Variants in PCDHGB6 observed in about 807,000 individuals in gnomAD.
PCDHGB6 encodes the protein protocadherin gamma-B6.
In PCDHGB6, 51 loss-of-function variants were observed where a neutral mutation model predicts 59.1. That is an observed-to-expected ratio of 0.86 (90% CI 0.69 to 1.09). The LOEUF (loss-of-function observed/expected upper bound fraction) is 1.09. PCDHGB6 is among the 50% of genes least tolerant of loss of function. PCDHGB6 has a pLI of 0.00. For synonymous variants in PCDHGB6, 466 were observed against 495.1 expected (o/e 0.94, Z 0.78); for missense variants, 1,148 against 1,205.1 (o/e 0.95, Z 0.70).
chr5:141,502,028 G>A (rs561260963), intron 2 of PCDHGB6, among the ~76,000 whole-genome samples: 62 of 152,150 alleles, frequency 4.1e-4, no homozygotes, highest in African/African-American at 1.5e-3. Flanking sequence ...TGCAACCCCC[G>A]CCGCTTGCCT....
chr5:141,496,737 C>T (rs900394639), intron 2 of PCDHGB6, among the ~76,000 whole-genome samples: 9 of 152,168 alleles, frequency 5.9e-5, no homozygotes, highest in African/African-American at 2.2e-4. Context: ...TTCATTCGTT[C>T]ATTTATTCAA....
chr5:141,489,267 C>A lies in PCDHGB6; in HGVS notation c.2419-5540C>A. On this transcript the variant is annotated intron_variant, in intron 1 of 3. Transcript: ENST00000520790. This position sits in a 1 kb window ranked among gnomAD's most constrained non-coding sequence, Gnocchi z 4.5. ...TGGGGCCCAAGACACTCCCACAGCT[C>A]GCTGGGAAATGGCAAGTGCTGTGCA... is the stretch of plus-strand genomic sequence containing the variant. 1 of 1,553,300 alleles carries A rather than the reference C, an allele frequency of 6.4e-7. No homozygotes were observed. The highest frequency in any genetic ancestry group is 8.7e-7 in the Non-Finnish European group (1 of 1,149,864).
chr5:141,476,837 G>A lies in PCDHGB6; in HGVS notation c.2419-17970G>A, dbSNP rs1160244271. 4 of 1,613,534 alleles carry A rather than the reference G, an allele frequency of 2.5e-6. No individual in the cohort carries two copies. The highest frequency in any genetic ancestry group is 3.4e-6 in the Non-Finnish European group (4 of 1,180,054). On this transcript the variant is annotated intron_variant, in intron 1 of 3. Coordinates refer to ENST00000520790, the MANE Select transcript of PCDHGB6 (RefSeq NM_018926.3). The surrounding 1 kb of genome is among the most constrained non-coding windows in gnomAD (Gnocchi z 7.6). Reference sequence around the variant, plus strand: ...CAAGGTGCTGGACGCGAATGACAATGCGCCTGTCTTCAACCAGTCCTTGTA... The same window carrying A: ...CAAGGTGCTGGACGCGAATGACAATACGCCTGTCTTCAACCAGTCCTTGTA...
chr5:141,465,257 T>C (rs968727090), intron 1 of PCDHGB6, among the ~76,000 whole-genome samples: 19 of 152,310 alleles, frequency 1.2e-4, no homozygotes, highest in Admixed American at 1.2e-3. Flanking sequence ...TTGTAAGCAA[T>C]GATACTAGCC....
intron 2 of PCDHGB6, among the ~76,000 whole-genome samples, chr5:141,495,601 G>C (rs1315613802): frequency 6.6e-6 from 1 of 152,004 alleles, no homozygotes; most frequent in Non-Finnish European, 1.5e-5. Context: ...CTTAGCTTCC[G>C]TCTTGATTGC....
At chr5:141,494,991 G>A in intron 2 of PCDHGB6, 126 bp downstream of exon 2, 1 of 1,551,148 alleles carries the variant, frequency 6.4e-7, no homozygotes, top group Non-Finnish European at 8.7e-7. Context: ...AGATCCCAGG[G>A]AGGTCTTGGT....
At position 141,408,958 on chromosome 5, in the gene PCDHGB6, T is replaced by A; in HGVS notation, c.756T>A (p.Ser252Arg). ...FSRDEYRISL[S>R]ENLPPGSPVL... is the part of the protein sequence containing the mutation. Reference sequence around the variant, plus strand: ...GAGACGAATATAGAATTAGTCTTAGTGAAAATCTGCCCCCTGGGTCCCCTG... The same window carrying A: ...GAGACGAATATAGAATTAGTCTTAGAGAAAATCTGCCCCCTGGGTCCCCTG... The change falls in exon 1 of 4, where the codon AGT becomes AGA. Residue 252 changes from serine to arginine, a missense_variant. This residue lies in a region of PCDHGB6 where 307 missense variants were observed against 323.8 expected (regional missense o/e 0.95). Coordinates refer to ENST00000520790, the MANE Select transcript of PCDHGB6 (RefSeq NM_018926.3). The A allele has an allele frequency of 5.0e-6, 8 of 1,613,670 alleles. No homozygotes were observed. Among genetic ancestry groups the A allele is most frequent in the Non-Finnish European group, 6.8e-6 (8 of 1,179,800 alleles).
rs577770679 is a variant in PCDHGB6, at chr5:141,458,782, G to A, written c.2419-36025G>A. Reference sequence around the variant, plus strand: ...GGGTCTTGCTGTGTCACACAGGCTGGAGTGCAGTGGTGTGATCTCAGCTCA... The same window carrying A: ...GGGTCTTGCTGTGTCACACAGGCTGAAGTGCAGTGGTGTGATCTCAGCTCA... On this transcript the variant is annotated intron_variant, in intron 1 of 3. Coordinates refer to ENST00000520790, the MANE Select transcript of PCDHGB6 (RefSeq NM_018926.3). 3.3e-5 allele frequency among the ~76,000 whole-genome samples: 5 copies of A among 152,020 alleles called. No homozygotes were observed. In the East Asian group the frequency reaches 9.7e-4, roughly 30 times the overall value.
intron 1 of PCDHGB6, chr5:141,427,797 G>A (rs1194658203): frequency 6.0e-6 from 9 of 1,505,188 alleles, no homozygotes; most frequent in Admixed American, 3.4e-5. Context: ...CTACGTGTCC[G>A]TGAGCGCACA....
intron 1 of PCDHGB6, among the ~76,000 whole-genome samples, chr5:141,443,832 A>G (rs2098407108): frequency 6.6e-6 from 1 of 152,224 alleles, no homozygotes; most frequent in African/African-American, 2.4e-5. Context: ...ATTAGGTAAA[A>G]TGGGTAATAT....
chr5:141,418,282 A>T (rs1209026046), intron 1 of PCDHGB6: 2 of 1,614,030 alleles, frequency 1.2e-6, no homozygotes, highest in Non-Finnish European at 1.7e-6. Flanking sequence ...TAAACTTAGA[A>T]ATCAGTGAAT....
rs1219684339 is a variant in PCDHGB6, at chr5:141,506,444, CAAAAAAAAAAA to C, written c.2566+974_2566+984del. Among the ~76,000 whole-genome samples, 33 of 95,024 alleles carry C rather than the reference CAAAAAAAAAAA, an allele frequency of 3.5e-4. No individual in the cohort carries two copies. The East Asian group carries it at 0.011, about 31-fold the overall frequency. The allele number at this position is 95,024 out of a possible 152,430, so 62.3% of individuals were successfully genotyped here. On this transcript the variant is annotated intron_variant, in intron 3 of 3. Coordinates refer to ENST00000520790, the MANE Select transcript of PCDHGB6 (RefSeq NM_018926.3). ...CCTGGGCAACAGTCTCGCTCTGTCTCAAAAAAAAAAAAAAAAAAAAAGAGCACAGGCTTTAG... is the reference window on the plus strand; with the variant it reads ...CCTGGGCAACAGTCTCGCTCTGTCTCAAAAAAAAAAGAGCACAGGCTTTAG...
intron 1 of PCDHGB6, among the ~76,000 whole-genome samples, chr5:141,472,267 C>T (rs547832378): frequency 6.6e-5 from 10 of 152,216 alleles, no homozygotes; most frequent in African/African-American, 2.4e-4. Context: ...TATAGCCGGG[C>T]ACAGTGGCTC....
rs768354664 is a variant in PCDHGB6 at position 141,485,690 on chromosome 5, A to C, written c.2419-9117A>C. On this transcript the variant is annotated intron_variant, in intron 1 of 3. Coordinates refer to ENST00000520790, the MANE Select transcript of PCDHGB6 (RefSeq NM_018926.3). This position sits in a 1 kb window ranked among gnomAD's most constrained non-coding sequence, Gnocchi z 5.7. ...CAATTCGATTAGCAGCTATAGGCTG[A>C]GCTCCAATGAACACTTTGCACTGGA... 1.6e-5 allele frequency: 26 copies of C among 1,614,106 alleles called. No individual in the cohort carries two copies. In the South Asian group the frequency reaches 2.7e-4, roughly 17 times the overall value.
At chr5:141,419,022 G>A in intron 1 of PCDHGB6, 1 of 1,613,960 alleles carries the variant, frequency 6.2e-7, no homozygotes, top group Non-Finnish European at 8.5e-7. Flanking sequence ...AGCTTAAGTA[G>A]AGGTGTTCCA....
chr5:141,424,797 C>G (rs1262781875), intron 1 of PCDHGB6: 1 of 151,908 alleles, frequency 6.6e-6, no homozygotes, highest in Non-Finnish European at 1.5e-5. Flanking sequence ...TTATTCAGAC[C>G]AACTTGTTAT....
In PCDHGB6 at chr5:141,490,858, G is replaced by C. The variant is rs775132338; in HGVS notation, c.2419-3949G>C. On this transcript the variant is annotated intron_variant, in intron 1 of 3. Coordinates refer to ENST00000520790, the MANE Select transcript of PCDHGB6 (RefSeq NM_018926.3). The surrounding 1 kb of genome is among the most constrained non-coding windows in gnomAD (Gnocchi z 5.4). ...GATTGTGGTGGGGGTTCGAGACTCC[G>C]GCTCTCCCCCATTGCATGCCAACAC... The C allele has an allele frequency of 1.5e-5, 24 of 1,613,704 alleles. 1 individual carries two copies. Among genetic ancestry groups the C allele is most frequent in the Non-Finnish European group, 2.0e-5 (24 of 1,179,918 alleles).
chr5:141,450,278 G>A (rs977381598), intron 1 of PCDHGB6, among the ~76,000 whole-genome samples: 1 of 152,026 alleles, frequency 6.6e-6, no homozygotes, highest in Non-Finnish European at 1.5e-5. Flanking sequence ...TCAGCTAAGT[G>A]CTGGGATTAC....
chr5:141,435,454 T>C (rs1407615505), intron 1 of PCDHGB6, among the ~76,000 whole-genome samples: 1 of 152,220 alleles, frequency 6.6e-6, no homozygotes, highest in Non-Finnish European at 1.5e-5. Flanking sequence ...ACGATATCTG[T>C]ATGTGTTTCC....
Sources: allele counts gnomAD v4.1 joint callset (sites outside exome capture counted in the v4.1 genomes callset), GRCh38; gene constraint gnomAD v4.1.1; regional missense constraint gnomAD v4.1.1; non-coding constraint Gnocchi (gnomAD v3.1); transcripts MANE v1.5; gene names NCBI Gene and HGNC (gene_info 2026-07-23, HGNC 2026-07-21).